Variants in KCNK2 observed in about 807,000 individuals in gnomAD.
KCNK2 encodes potassium two pore domain channel subfamily K member 2, also known as potassium channel subfamily K member 2.
A neutral mutation model predicts 40.5 loss-of-function variants in KCNK2; 21 were observed. That is an observed-to-expected ratio of 0.52 (90% CI 0.37 to 0.75). The LOEUF (loss-of-function observed/expected upper bound fraction) is 0.75, where lower values mean the gene tolerates loss of function less well. Among genes scored for constraint, KCNK2 ranks in the 30% least tolerant of loss-of-function variants. KCNK2 has a pLI of 0.00. For missense variants in KCNK2, 399 were observed against 531.6 expected, an observed-to-expected ratio of 0.75 and a Z score of 2.45; for synonymous variants, 191 against 202.2, an observed-to-expected ratio of 0.94 and a Z score of 0.47.
chr1:215,063,226 T>C (rs1300207005), intron 1 of KCNK2, among the ~76,000 whole-genome samples: 1 of 152,158 alleles, frequency 6.6e-6, no homozygotes, highest in Admixed American at 6.5e-5. Flanking sequence ...AACATGCAAT[T>C]GAAGAACATT....
intron 1 of KCNK2, among the ~76,000 whole-genome samples, chr1:215,008,135 A>T (rs1013010870): frequency 6.6e-6 from 1 of 151,250 alleles, no homozygotes; most frequent in African/African-American, 2.4e-5. Context: ...TTTTTTAAGG[A>T]AAAGGAAGCC....
chr1:215,134,894 C>CTACA (rs1661832173), intron 3 of KCNK2, among the ~76,000 whole-genome samples: 1 of 149,728 alleles, frequency 6.7e-6, no homozygotes, highest in Non-Finnish European at 1.5e-5. Flanking sequence ...GGATGAAGAC[C>CTACA]TATATATATA....
chr1:215,127,668 A>T (rs936905071), intron 3 of KCNK2, among the ~76,000 whole-genome samples: 1 of 152,138 alleles, frequency 6.6e-6, no homozygotes, highest in Non-Finnish European at 1.5e-5. Flanking sequence ...AGCAAAAGCC[A>T]TAGTCCCTTG....
rs1660618272 is a variant in KCNK2, at chr1:215,110,195, G to T, written c.358-14438G>T. Among the ~76,000 whole-genome samples, 11 of 152,122 alleles carry T rather than the reference G, an allele frequency of 7.2e-5. No individual in the cohort carries two copies. In the South Asian group the frequency reaches 2.3e-3, roughly 32 times the overall value. On this transcript the variant is annotated intron_variant, in intron 2 of 6. Transcript: ENST00000444842. ...CACTTTGTTGATTATTTCTTTTGCT[G>T]TGCAGAAGCTTTTTAGTTTAATATA...
chr1:215,057,684 G>A (rs12404426), intron 1 of KCNK2, among the ~76,000 whole-genome samples: 25 of 152,268 alleles, frequency 1.6e-4, no homozygotes, highest in Admixed American at 1.6e-3. Context: ...CTTGGGGGCT[G>A]CATCAGGGAG....
intron 3 of KCNK2, among the ~76,000 whole-genome samples, chr1:215,147,527 A>G (rs1405314889): frequency 6.6e-6 from 1 of 152,152 alleles, no homozygotes; most frequent in Non-Finnish European, 1.5e-5. Context: ...GCTTTGACTC[A>G]CTTTTCTAAA....
chr1:215,188,736 G>A (rs1433441632), intron 5 of KCNK2, among the ~76,000 whole-genome samples: 13 of 152,084 alleles, frequency 8.5e-5, no homozygotes, highest in Admixed American at 8.5e-4. Flanking sequence ...AAATTTGCCA[G>A]GAATTTAACA....
chr1:215,153,080 C>T lies in KCNK2; in HGVS notation c.476-16119C>T, dbSNP rs145322864. Among the ~76,000 whole-genome samples the T allele has an allele frequency of 1.9e-3, 290 of 152,286 alleles. 1 individual carries two copies. Among genetic ancestry groups the T allele is most frequent in the African/African-American group, 6.4e-3 (268 of 41,566 alleles). ...AAGTCTAAACAGTTTAACTCTGTGA[C>T]TTAATTTCAGTAAATCTCACATAGA... On this transcript the variant is annotated intron_variant, in intron 3 of 6. Coordinates refer to ENST00000444842, the MANE Select transcript of KCNK2 (RefSeq NM_001017425.3).
chr1:215,235,274 A>G lies in KCNK2; in HGVS notation c.*129A>G. 2 of 683,692 alleles carry G rather than the reference A, an allele frequency of 2.9e-6. No individual in the cohort carries two copies. The highest frequency in any genetic ancestry group is 1.8e-5 in the African/African-American group (1 of 55,920). 42.4% of individuals were successfully genotyped at this position (683,692 alleles called of 1,614,324 possible). On this transcript the variant is annotated 3_prime_UTR_variant, in exon 7 of 7. Transcript: ENST00000444842. ...GGGGAACAAAATAGATACACCCATCATGGTCATCTATCATCAAGAGAATTT... is the reference window on the plus strand; with the variant it reads ...GGGGAACAAAATAGATACACCCATCGTGGTCATCTATCATCAAGAGAATTT...
At chr1:215,095,468 C>T (rs546526382) in intron 2 of KCNK2, among the ~76,000 whole-genome samples, 2 of 152,198 alleles carry the variant, frequency 1.3e-5, no homozygotes, top group Admixed American at 6.6e-5. Flanking sequence ...TCATGATCAC[C>T]GTTTTACAGA....
intron 5 of KCNK2, among the ~76,000 whole-genome samples, chr1:215,191,859 G>T (rs753060750): frequency 6.6e-6 from 1 of 152,054 alleles, no homozygotes; most frequent in African/African-American, 2.4e-5. Flanking sequence ...GGGGAGAGTG[G>T]GCTGTAGCAT....
In KCNK2 at chr1:215,165,152, T is replaced by G. The variant is rs370182184; in HGVS notation, c.476-4047T>G. Among the ~76,000 whole-genome samples the G allele has an allele frequency of 1.5e-4, 23 of 152,188 alleles. No individual in the cohort carries two copies. The East Asian group carries it at 1.5e-3, about 10-fold the overall frequency. ...TTTACTCTATTTTGGCCACAGTTAC[T>G]TTAGCATGAGCTTGCTTTCCATAGC... On this transcript the variant is annotated intron_variant, in intron 3 of 6. Coordinates refer to ENST00000444842, the MANE Select transcript of KCNK2 (RefSeq NM_001017425.3).
chr1:215,171,222 C>T (rs950638437), intron 4 of KCNK2, among the ~76,000 whole-genome samples: 1 of 152,130 alleles, frequency 6.6e-6, no homozygotes, highest in Admixed American at 6.6e-5. Flanking sequence ...TATATACCAA[C>T]TTCATTTAAT....
chr1:215,034,342 G>A (rs1231025104), intron 1 of KCNK2, among the ~76,000 whole-genome samples: 3 of 116,024 alleles, frequency 2.6e-5, no homozygotes, highest in African/African-American at 1.0e-4. Context: ...GGGCACTTAT[G>A]TTGTTTTCAT....
chr1:215,112,240 C>T (rs1660725702), intron 2 of KCNK2, among the ~76,000 whole-genome samples: 1 of 151,792 alleles, frequency 6.6e-6, no homozygotes, highest in Non-Finnish European at 1.5e-5. Flanking sequence ...CCCAGTGAGA[C>T]ATGATTAAGG....
intron 1 of KCNK2, among the ~76,000 whole-genome samples, chr1:215,046,698 A>G (rs1054326662): frequency 6.6e-6 from 1 of 152,124 alleles, no homozygotes; most frequent in Non-Finnish European, 1.5e-5. Flanking sequence ...AAAATTTAGA[A>G]AAACAGAAAT....
intron 3 of KCNK2, among the ~76,000 whole-genome samples, chr1:215,159,313 G>A (rs996249126): frequency 6.6e-5 from 10 of 152,076 alleles, no homozygotes; most frequent in African/African-American, 2.2e-4. Flanking sequence ...CTGTACTCCA[G>A]GGCTCTCAAC....
chr1:215,176,130 C>G (rs1404022505), intron 5 of KCNK2, among the ~76,000 whole-genome samples: 2 of 152,110 alleles, frequency 1.3e-5, no homozygotes, highest in Non-Finnish European at 2.9e-5. Context: ...TAAGCATTCT[C>G]TTTTCTCCAG....
rs370882728 is a variant in KCNK2, at chr1:215,039,997, T to C, written c.34+34042T>C. Among the ~76,000 whole-genome samples the C allele has an allele frequency of 5.6e-4, 85 of 152,092 alleles. 1 individual carries two copies. The highest frequency in any genetic ancestry group is 1.9e-3 in the African/African-American group (79 of 41,426). On this transcript the variant is annotated intron_variant, in intron 1 of 6. Transcript: ENST00000391895. ...GCAGAACATTATGGAATGCCATTCTTTGGACATTTTTACAAGTGGGGAGGG... is the reference window on the plus strand; with the variant it reads ...GCAGAACATTATGGAATGCCATTCTCTGGACATTTTTACAAGTGGGGAGGG...
Sources: gnomAD v4.1 joint callset for allele counts (sites outside exome capture counted in the v4.1 genomes callset) on GRCh38, gnomAD v4.1.1 for gene constraint, MANE v1.5 for transcripts, NCBI Gene and HGNC (gene_info 2026-07-23, HGNC 2026-07-21) for gene names.